Variants in AGO1 observed in about 807,000 individuals in gnomAD.
AGO1 encodes argonaute RISC component 1, also known as protein argonaute-1.
Under a neutral mutation model 109.2 loss-of-function variants are expected in AGO1, and 11 were observed. That is an observed-to-expected ratio of 0.10 (90% confidence interval 0.06 to 0.17). The LOEUF (loss-of-function observed/expected upper bound fraction) is 0.17. Among genes scored for constraint, AGO1 ranks in the 10% least tolerant of loss-of-function variants. The probability of loss-of-function intolerance (pLI) is 1.00; values close to 1 mark genes in which losing one functional copy is unlikely to be tolerated. For synonymous variants in AGO1, 422 were observed against 418.6 expected, an observed-to-expected ratio of 1.01 and a Z score of -0.10; for missense variants, 574 against 1,140.3, an observed-to-expected ratio of 0.50 and a Z score of 7.15.
intron 1 of AGO1, among the ~76,000 whole-genome samples, chr1:35,876,356 T>G (rs947633891): frequency 6.6e-6 from 1 of 151,536 alleles, no homozygotes; most frequent in African/African-American, 2.4e-5. Flanking sequence ...AAGCTCCGCC[T>G]ACTGGGTTCA....
intron 2 of AGO1, among the ~76,000 whole-genome samples, chr1:35,892,003 A>G (rs1211756221): frequency 2.0e-5 from 3 of 152,016 alleles, no homozygotes; most frequent in African/African-American, 7.3e-5. Context: ...TCAGCCTCCC[A>G]AACAACTGGG....
chr1:35,882,893 A>C, upstream of AGO1: 1 of 985,114 alleles, frequency 1.0e-6, no homozygotes, highest in Non-Finnish European at 1.2e-6. The surrounding 1 kb of genome is among the most constrained non-coding windows in gnomAD (Gnocchi z 5.1). Flanking sequence ...GGGTTCCCAT[A>C]ATGTGTGCGC....
At chr1:35,900,411 T>C (rs1284473415) in intron 8 of AGO1, among the ~76,000 whole-genome samples, 1 of 152,228 alleles carries the variant, frequency 6.6e-6, no homozygotes, top group East Asian at 1.9e-4. Context: ...AGGCAACTCT[T>C]AGATTGTTAC....
intron 12 of AGO1, among the ~76,000 whole-genome samples, chr1:35,911,733 G>A (rs1645636277): frequency 6.6e-6 from 1 of 151,924 alleles, no homozygotes; most frequent in East Asian, 1.9e-4. Flanking sequence ...TTTTCTTCCT[G>A]GTACCTTAAA....
In AGO1 at chr1:35,919,108, A is replaced by G. The variant is rs1293818805; in HGVS notation, c.2319A>G (p.Thr773=). 1 of 1,614,206 alleles carries G rather than the reference A, an allele frequency of 6.2e-7. No homozygotes were observed. The highest frequency in any genetic ancestry group is 2.2e-5 in the East Asian group (1 of 44,886). ...TTCTTTGGGATGACAACCGTTTCAC[A>G]GCAGATGAGCTCCAGATCCTGACGT... ...YYVLWDDNRF[T]ADELQILTYQ... Residue 773 remains threonine, a synonymous_variant, in exon 18 of 19, where the codon ACA becomes ACG. Coordinates refer to ENST00000373204, the MANE Select transcript of AGO1 (RefSeq NM_012199.5). This position sits in a 1 kb window ranked among gnomAD's most constrained non-coding sequence, Gnocchi z 6.6.
intron 15 of AGO1, among the ~76,000 whole-genome samples, chr1:35,916,073 C>T (rs556452075): frequency 9.2e-5 from 14 of 151,998 alleles, no homozygotes; most frequent in South Asian, 2.1e-4. Context: ...TCCTTGACTA[C>T]CATTTAATAG....
upstream of AGO1, among the ~76,000 whole-genome samples, chr1:35,881,912 G>C (rs891715742): frequency 4.6e-5 from 7 of 152,214 alleles, no homozygotes; most frequent in Non-Finnish European, 8.8e-5. Context: ...TTTGAGACTA[G>C]CAAGGAAGTG....
intron 1 of AGO1, among the ~76,000 whole-genome samples, chr1:35,884,101 C>T (rs935579760): frequency 6.6e-6 from 1 of 152,086 alleles, no homozygotes; most frequent in Non-Finnish European, 1.5e-5. Flanking sequence ...CCCCCCGCCC[C>T]GCCCCGTTTG....
chr1:35,911,505 T>C (rs2148721531), intron 12 of AGO1, among the ~76,000 whole-genome samples: 1 of 152,170 alleles, frequency 6.6e-6, no homozygotes, highest in South Asian at 2.1e-4. Context: ...TTTTTTTTTT[T>C]CTCCCTCTCT....
chr1:35,884,308 G>T (rs2148706685), intron 1 of AGO1, among the ~76,000 whole-genome samples: 1 of 152,268 alleles, frequency 6.6e-6, no homozygotes, highest in East Asian at 1.9e-4. Flanking sequence ...GAAGCGATGG[G>T]TTCTGGGGGT....
chr1:35,897,647 A>G (rs1175134225), intron 8 of AGO1, among the ~76,000 whole-genome samples: 1 of 152,118 alleles, frequency 6.6e-6, no homozygotes, highest in African/African-American at 2.4e-5. Context: ...TGGGAGGCTG[A>G]GGTGGAAGCA....
At chr1:35,881,821 A>G (rs1324678227), upstream of AGO1, among the ~76,000 whole-genome samples, 1 of 152,234 alleles carries the variant, frequency 6.6e-6, no homozygotes, top group Non-Finnish European at 1.5e-5. Flanking sequence ...TTTATGGGAA[A>G]GTGATGTTTG....
Position 35,919,284 on chromosome 1 carries a change from T to G in AGO1, c.2465+30T>G, listed in dbSNP as rs766306492. The G allele has an allele frequency of 6.2e-7, 1 of 1,600,128 alleles. No homozygotes were observed. Among genetic ancestry groups the G allele is most frequent in the Non-Finnish European group, 8.5e-7 (1 of 1,172,978 alleles). ...GGCCTGGGATCAGGTTGGCCTCCTT[T>G]TTGCTTCAGCCTATTGTGCCAGATC... On this transcript the variant is annotated intron_variant, in intron 18 of 18. Transcript: ENST00000373204. The surrounding 1 kb of genome is among the most constrained non-coding windows in gnomAD (Gnocchi z 6.6).
chr1:35,914,358 C>T (rs941934689), intron 14 of AGO1, 84 bp downstream of exon 14: 5 of 1,133,090 alleles, frequency 4.4e-6, no homozygotes, highest in Non-Finnish European at 6.6e-6. Flanking sequence ...CTTCCCTCAG[C>T]TCTGGCTCTT....
upstream of AGO1, chr1:35,883,109 C>T (rs770745308): frequency 8.6e-5 from 93 of 1,077,210 alleles, no homozygotes; most frequent in Non-Finnish European, 1.0e-4. This position sits in a 1 kb window ranked among gnomAD's most constrained non-coding sequence, Gnocchi z 5.4. Flanking sequence ...GCCTTGGGTC[C>T]CCGGTGCCCC....
chr1:35,871,271 C>T (rs192579564), intron 1 of AGO1, among the ~76,000 whole-genome samples: 273 of 152,138 alleles, frequency 1.8e-3, no homozygotes, highest in Non-Finnish European at 3.2e-3. Flanking sequence ...TTAGGCTGGG[C>T]GAGGTGGCTC....
At chr1:35,882,585 G>A (rs915282984), upstream of AGO1, among the ~76,000 whole-genome samples, 7 of 152,230 alleles carry the variant, frequency 4.6e-5, no homozygotes, top group Non-Finnish European at 8.8e-5. This position sits in a 1 kb window ranked among gnomAD's most constrained non-coding sequence, Gnocchi z 5.1. Context: ...AACTGTAGAT[G>A]AGAAAGTGGA....
At position 35,901,310 on chromosome 1, in the gene AGO1, T is replaced by A. The variant is rs1299581714; in HGVS notation, c.1021-164T>A. Reference sequence around the variant, plus strand: ...CAATGCACACGAATATTTTCTAATTTACCTATCAAATGATACTCAGGAGGA... The same window carrying A: ...CAATGCACACGAATATTTTCTAATTAACCTATCAAATGATACTCAGGAGGA... On this transcript the variant is annotated intron_variant, in intron 8 of 18. Transcript: ENST00000373204. The surrounding 1 kb of genome is among the most constrained non-coding windows in gnomAD (Gnocchi z 4.8). Among the ~76,000 whole-genome samples, 1 of 152,176 alleles carries A rather than the reference T, an allele frequency of 6.6e-6. No individual in the cohort carries two copies. Among genetic ancestry groups the A allele is most frequent in the Non-Finnish European group, 1.5e-5 (1 of 68,032 alleles).
At chr1:35,891,533 T>TTTTTG (rs1301099642) in intron 2 of AGO1, among the ~76,000 whole-genome samples, 2 of 152,202 alleles carry the variant, frequency 1.3e-5, no homozygotes, top group Non-Finnish European at 2.9e-5. Flanking sequence ...GTTCCTGATT[T>TTTTTG]TTTTGTTTTG....
Sources: gnomAD v4.1 joint callset for allele counts (sites outside exome capture counted in the v4.1 genomes callset) on GRCh38, gnomAD v4.1.1 for gene constraint, Gnocchi (gnomAD v3.1) non-coding constraint, MANE v1.5 for transcripts, NCBI Gene and HGNC (gene_info 2026-07-23, HGNC 2026-07-21) for gene names.